FREM1: variants seen among roughly 807,000 people sequenced by gnomAD.
The protein encoded by FREM1 is FRAS1-related extracellular matrix protein 1.
A neutral mutation model predicts 210.1 loss-of-function variants in FREM1; 220 were observed. That is an observed-to-expected ratio of 1.05 (90% CI 0.94 to 1.17). FREM1 has a LOEUF of 1.17. Among genes scored for constraint, FREM1 ranks in the 50% most tolerant of loss-of-function variants. The pLI is 0.00. For missense variants in FREM1, 3,454 were observed against 2,675.5 expected, an observed-to-expected ratio of 1.29 and a Z score of -6.42; for synonymous variants, 1,189 against 980.2, an observed-to-expected ratio of 1.21 and a Z score of -3.98.
At chr9:14,838,041 G>GGGAGCACAGCTTGTAGGTGGCTGAGC (rs1824951175) in intron 10 of FREM1, among the ~76,000 whole-genome samples, 2 of 152,302 alleles carry the variant, frequency 1.3e-5, no homozygotes, top group African/African-American at 4.8e-5. Flanking sequence ...ATTTGCCCCA[G>GGGAGCACAGCTTGTAGGTGGCTGAGC]GGAGCACAGC....
chr9:14,757,889 G>A (rs1844726262), intron 28 of FREM1, among the ~76,000 whole-genome samples: 1 of 152,172 alleles, frequency 6.6e-6, no homozygotes, highest in Non-Finnish European at 1.5e-5. Context: ...AGGCTCCTCT[G>A]GAACCACCTT....
intron 3 of FREM1, among the ~76,000 whole-genome samples, chr9:14,861,113 A>G (rs1248260206): frequency 3.4e-4 from 34 of 100,556 alleles, no homozygotes; most frequent in African/African-American, 1.6e-3. Context: ...ATATACACAT[A>G]TATATACATA....
At chr9:14,859,593 AGATTG>A in intron 3 of FREM1, 109 bp from the exon 4 acceptor site, 3 of 890,000 alleles carry the variant, frequency 3.4e-6, no homozygotes, top group Non-Finnish European at 5.1e-6. Flanking sequence ...TTTGTGCCAC[AGATTG>A]AGTTTGGATT....
At chr9:14,762,462 C>T (rs1845673198) in intron 27 of FREM1, among the ~76,000 whole-genome samples, 1 of 152,162 alleles carries the variant, frequency 6.6e-6, no homozygotes, top group Non-Finnish European at 1.5e-5. Flanking sequence ...GATCTAAATT[C>T]AGAAGGGAAC....
At chr9:14,743,960 A>G (rs1221460913) in intron 35 of FREM1, among the ~76,000 whole-genome samples, 1 of 152,162 alleles carries the variant, frequency 6.6e-6, no homozygotes, top group Non-Finnish European at 1.5e-5. Flanking sequence ...TTAAGATGTC[A>G]TTTTAACAGC....
intron 27 of FREM1, among the ~76,000 whole-genome samples, chr9:14,761,632 C>T (rs773025717): frequency 4.6e-5 from 7 of 152,042 alleles, no homozygotes; most frequent in Non-Finnish European, 8.8e-5. Flanking sequence ...GTGAAAAATC[C>T]CAGAAACAAA....
chr9:14,794,641 G>A (rs1455734107), intron 21 of FREM1, among the ~76,000 whole-genome samples: 2 of 152,180 alleles, frequency 1.3e-5, no homozygotes, highest in African/African-American at 2.4e-5. Flanking sequence ...AGTCCAGGAA[G>A]GTTAGAAGAG....
intron 35 of FREM1, among the ~76,000 whole-genome samples, chr9:14,745,228 C>T (rs1426708021): frequency 1.3e-5 from 2 of 152,092 alleles, no homozygotes; most frequent in African/African-American, 2.4e-5. Flanking sequence ...ACCATTTACC[C>T]AGGTAACAAG....
Position 14,748,598 on chromosome 9 carries a change from T to G in FREM1, c.5599A>C (p.Ser1867Arg), listed in dbSNP as rs755011308. The G allele has an allele frequency of 1.2e-6, 2 of 1,613,650 alleles. No homozygotes were observed. Among genetic ancestry groups the G allele is most frequent in the African/African-American group, 2.7e-5 (2 of 74,936 alleles). The change falls in exon 31 of 37, where the codon AGC (serine) becomes CGC (arginine). Residue 1867 changes from serine (S) to arginine (R), a missense_variant. Ser to Arg is a moderately radical substitution (Grantham distance 110, BLOSUM62 -1). Coordinates refer to ENST00000380880, the MANE Select transcript of FREM1 (RefSeq NM_001379081.2). The stretch of plus-strand genomic sequence containing the variant: ...TGCCAAATGCCCTTCTCCCATGTGC[T>G]GTGCTTGCTTTGGTTGGAGGAATAT... ...PSYSSNQSKH[S>R]TWEKGIWHLL...
chr9:14,868,966 CAG>C lies in FREM1; in HGVS notation c.10_11del (p.Leu4GlufsTer42), dbSNP rs1266809753. On this transcript the variant is annotated frameshift_variant, in exon 2 of 37. Transcript: ENST00000380880. LOFTEE classifies it high-confidence loss of function. ...GCACGGCATTCGCAGCCCCCCAACT[CAG>C]AGAGTTCATGCTGACAGGGCCCAAC... MNSLSWGAANAVLL... is the reference protein window; with the variant it reads MNSXSWGAANAVLL... 1.3e-6 allele frequency: 2 copies of C among 1,578,244 alleles called. No individual in the cohort carries two copies. Among genetic ancestry groups the C allele is most frequent in the East Asian group, 2.3e-5 (1 of 43,584 alleles).
chr9:14,824,145 C>G, intron 11 of FREM1, 30 bp from the exon 12 acceptor site: 1 of 1,397,848 alleles, frequency 7.2e-7, no homozygotes, highest in Non-Finnish European at 9.9e-7. Flanking sequence ...AGCACATCAG[C>G]TCATTTTTAG....
At chr9:14,891,678 C>G (rs551009367) in intron 1 of FREM1, among the ~76,000 whole-genome samples, 1 of 152,208 alleles carries the variant, frequency 6.6e-6, no homozygotes, top group Non-Finnish European at 1.5e-5. Context: ...GGTACGCTTC[C>G]CAGAAGGGGA....
rs1379075331 is a variant in FREM1, at chr9:14,747,430, T to C, written c.5845-2A>G. 7 of 1,612,016 alleles carry C rather than the reference T, an allele frequency of 4.3e-6. No individual in the cohort carries two copies. The highest frequency in any genetic ancestry group is 4.2e-6 in the Non-Finnish European group (5 of 1,179,116). On this transcript the variant is annotated splice_acceptor_variant, in intron 32 of 36. Coordinates refer to ENST00000380880, the MANE Select transcript of FREM1 (RefSeq NM_001379081.2). LOFTEE classifies it high-confidence loss of function. ...TTTCAAGGAAACTATCCCATGATAC[T>C]TGAGGAAACCAACAATCAACAACAA...
intron 8 of FREM1, among the ~76,000 whole-genome samples, chr9:14,844,357 C>T (rs1362511880): frequency 6.6e-6 from 1 of 152,080 alleles, no homozygotes; most frequent in East Asian, 1.9e-4. Flanking sequence ...TCCTGAGTAG[C>T]TGGGGCTACA....
chr9:14,894,093 G>A (rs1309795753), intron 1 of FREM1, among the ~76,000 whole-genome samples: 1 of 152,110 alleles, frequency 6.6e-6, no homozygotes, highest in African/African-American at 2.4e-5. Flanking sequence ...AACATTAATA[G>A]TACACTAATA....
intron 16 of FREM1, among the ~76,000 whole-genome samples, chr9:14,812,428 G>C (rs1588128534): frequency 6.6e-6 from 1 of 152,112 alleles, no homozygotes; most frequent in Non-Finnish European, 1.5e-5. Context: ...TGATCAGTAA[G>C]CTTTGCAAAT....
Position 14,871,136 on chromosome 9 carries a change from G to C in FREM1, c.-267-1892C>G, listed in dbSNP as rs1164435141. On this transcript the variant is annotated intron_variant, in intron 1 of 36. Transcript: ENST00000380880. ...ACATACGTGTGCATGTGTCTTTATA[G>C]CAGCATGATTTATAGTTCTTTGGGT... is the stretch of plus-strand genomic sequence containing the variant. 3.3e-5 allele frequency among the ~76,000 whole-genome samples: 5 copies of C among 152,248 alleles called. No individual in the cohort carries two copies. The East Asian group carries it at 9.7e-4, about 29-fold the overall frequency.
chr9:14,860,780 T>TACGTATATAC (rs1829881809), intron 3 of FREM1, among the ~76,000 whole-genome samples: 8 of 85,786 alleles, frequency 9.3e-5, no homozygotes, highest in African/African-American at 4.8e-4. Context: ...TACACATATA[T>TACGTATATAC]ACATATATAC....
chr9:14,818,497 C>T (rs935506484), intron 14 of FREM1, among the ~76,000 whole-genome samples: 2 of 152,136 alleles, frequency 1.3e-5, no homozygotes, highest in African/African-American at 4.8e-5. Flanking sequence ...GCTAATGCTC[C>T]CATTTATAGC....
Sources: gnomAD v4.1 joint callset for allele counts (sites outside exome capture counted in the v4.1 genomes callset) on GRCh38, gnomAD v4.1.1 for gene constraint, MANE v1.5 for transcripts, NCBI Gene and HGNC (gene_info 2026-07-23, HGNC 2026-07-21) for gene names.